Variants in RYR3 observed in about 807,000 individuals in gnomAD.
RYR3 encodes ryanodine receptor 3, also known as brain ryanodine receptor-calcium release channel.
Under a neutral mutation model 584.3 loss-of-function variants are expected in RYR3, and 207 were observed. The observed-to-expected ratio is 0.35, with a 90% CI of 0.32 to 0.40. The LOEUF is 0.40. RYR3 is among the 10% of genes least tolerant of loss of function. The probability of loss-of-function intolerance (pLI) is 1.00; values close to 1 mark genes in which losing one functional copy is unlikely to be tolerated. For missense variants in RYR3, 5,616 were observed against 6,089.2 expected, an observed-to-expected ratio of 0.92 and a Z score of 2.59; for synonymous variants, 2,416 against 2,248.5, an observed-to-expected ratio of 1.07 and a Z score of -2.11.
chr15:33,562,706 C>T, intron 10 of RYR3, 131 bp from the exon 11 acceptor site: 1 of 627,640 alleles, frequency 1.6e-6, no homozygotes, highest in South Asian at 2.0e-5. Context: ...CTGGCTTGGA[C>T]AGGCACATCA....
At chr15:33,467,608 T>C (rs1400507583) in intron 1 of RYR3, 1 of 317,978 alleles carries the variant, frequency 3.1e-6, no homozygotes, top group Non-Finnish European at 4.5e-6. Flanking sequence ...CCTGTGACAA[T>C]GTGAAATCTA....
intron 67 of RYR3, among the ~76,000 whole-genome samples, chr15:33,788,715 T>C (rs1473189327): frequency 6.6e-5 from 10 of 152,134 alleles, no homozygotes; most frequent in African/African-American, 2.4e-4. Flanking sequence ...TCAGAGGAAG[T>C]TGGTCAAATA....
At chr15:33,495,918 A>G (rs2051378265) in intron 2 of RYR3, among the ~76,000 whole-genome samples, 1 of 152,212 alleles carries the variant, frequency 6.6e-6, no homozygotes, top group Non-Finnish European at 1.5e-5. Flanking sequence ...ATTGATTGGA[A>G]GTCTGTAAGT....
At chr15:33,520,563 T>TA (rs35570809) in intron 3 of RYR3, among the ~76,000 whole-genome samples, 26,679 of 152,102 alleles carry the variant, frequency 0.18, 2,526 homozygotes, top group Non-Finnish European at 0.2. Flanking sequence ...ATCAGATTCT[T>TA]AATCTATTAG....
chr15:33,410,773 C>T (rs2043348354), intron 1 of RYR3, among the ~76,000 whole-genome samples: 1 of 152,200 alleles, frequency 6.6e-6, no homozygotes, highest in African/African-American at 2.4e-5. Flanking sequence ...TGTTCTCATG[C>T]TCCTAATAAA....
chr15:33,586,114 A>C lies in RYR3; in HGVS notation c.1786A>C (p.Lys596Gln), dbSNP rs1205273555. Residue 596 changes from lysine (K) to glutamine (Q), a missense_variant and splice_region_variant, in exon 16 of 104, where the codon AAG becomes CAG. Coordinates refer to ENST00000634891, the MANE Select transcript of RYR3 (RefSeq NM_001036.6). ...GTTGGATAAGCACGGGCGGAATCAC[A>C]AGGTAGGTGTGGAAAGAACGGTGAT... Reference protein sequence around the residue: ...SLLDKHGRNHKVLDILCSLCL... With the variant: ...SLLDKHGRNHQVLDILCSLCL... The C allele has an allele frequency of 6.3e-7, 1 of 1,581,128 alleles. No homozygotes were observed.
chr15:33,520,988 C>T (rs151027312), intron 3 of RYR3, among the ~76,000 whole-genome samples: 6 of 152,252 alleles, frequency 3.9e-5, no homozygotes, highest in African/African-American at 1.4e-4. Flanking sequence ...AAATCTACAT[C>T]GATTCTCATA....
intron 45 of RYR3, among the ~76,000 whole-genome samples, chr15:33,725,974 C>CTCCCG (rs2068391095): frequency 2.7e-5 from 1 of 37,622 alleles, no homozygotes; most frequent in Non-Finnish European, 5.7e-5. Flanking sequence ...CATCCCCCCC[C>CTCCCG]CCAAAAAAAA....
chr15:33,788,062 A>G (rs1010178388), intron 66 of RYR3, among the ~76,000 whole-genome samples, 156 bp from the exon 67 acceptor site: 23 of 152,162 alleles, frequency 1.5e-4, no homozygotes, highest in Admixed American at 7.9e-4. Flanking sequence ...TGACTCTATG[A>G]GAGGGAAGTA....
intron 81 of RYR3, among the ~76,000 whole-genome samples, chr15:33,823,302 C>G (rs1018591195): frequency 6.6e-6 from 1 of 152,178 alleles, no homozygotes; most frequent in African/African-American, 2.4e-5. Flanking sequence ...CACACGCTCC[C>G]CCACTGCTGT....
At chr15:33,635,361 G>A (rs2061447928) in intron 25 of RYR3, among the ~76,000 whole-genome samples, 1 of 152,188 alleles carries the variant, frequency 6.6e-6, no homozygotes, top group South Asian at 2.1e-4. Context: ...TACCTCATAG[G>A]ATTATTGTGA....
chr15:33,395,110 A>T (rs1370998981), intron 1 of RYR3, among the ~76,000 whole-genome samples: 1 of 152,194 alleles, frequency 6.6e-6, no homozygotes, highest in Middle Eastern at 3.2e-3. Flanking sequence ...AGGACTGTGA[A>T]CTTTAGAGGA....
In RYR3 at chr15:33,854,915, A is replaced by G. The variant is rs756810104; in HGVS notation, c.14007+3A>G. 1 of 1,608,830 alleles carries G rather than the reference A, an allele frequency of 6.2e-7. No homozygotes were observed. The highest frequency in any genetic ancestry group is 8.5e-7 in the Non-Finnish European group (1 of 1,177,826). ...CTGTAACTCACAATGGCAAACAGGT[A>G]TGGTTTCTACTGATGCAGAACAGAA... On this transcript the variant is annotated splice_donor_region_variant and intron_variant, in intron 98 of 103. Coordinates refer to ENST00000634891, the MANE Select transcript of RYR3 (RefSeq NM_001036.6).
At chr15:33,698,627 G>C (rs1879361) in intron 40 of RYR3, among the ~76,000 whole-genome samples, 80,851 of 150,916 alleles carry the variant, frequency 0.54, 23,430 homozygotes, top group East Asian at 0.72. Flanking sequence ...AGAGTGCCAG[G>C]GTCCTAGGAA....
chr15:33,537,054 C>A lies in RYR3; in HGVS notation c.434-2296C>A, dbSNP rs565785294. 2.5e-3 allele frequency among the ~76,000 whole-genome samples: 380 copies of A among 152,262 alleles called. 2 individuals are homozygous for A. The highest frequency in any genetic ancestry group is 8.6e-3 in the African/African-American group (356 of 41,552). ...AAATCAATATTAACTACTTTCACTG[C>A]TATAACTGTAACTTTTATTTGCAAA... On this transcript the variant is annotated intron_variant, in intron 5 of 103. Transcript: ENST00000634891.
intron 86 of RYR3, among the ~76,000 whole-genome samples, chr15:33,833,888 A>G (rs542378096): frequency 2.6e-5 from 4 of 152,304 alleles, no homozygotes; most frequent in Admixed American, 2.0e-4. Context: ...TCCTTTTAGA[A>G]CTTTCTTATT....
intron 8 of RYR3, among the ~76,000 whole-genome samples, chr15:33,545,726 G>A (rs947429157): frequency 2.0e-5 from 3 of 152,082 alleles, no homozygotes; most frequent in African/African-American, 7.2e-5. Context: ...GTCCAGCATG[G>A]CCAGGAGCAC....
intron 1 of RYR3, among the ~76,000 whole-genome samples, chr15:33,400,357 T>G (rs2042569568): frequency 6.6e-6 from 1 of 152,190 alleles, no homozygotes; most frequent in Admixed American, 6.5e-5. Flanking sequence ...CGAAAAGAGA[T>G]GGACTCCTTC....
At chr15:33,789,578 C>A (rs1324402707) in intron 67 of RYR3, among the ~76,000 whole-genome samples, 2 of 119,010 alleles carry the variant, frequency 1.7e-5, no homozygotes, top group Non-Finnish European at 3.3e-5. Context: ...TACTAAACAT[C>A]GCTGATTGCA....
Sources: gnomAD v4.1 joint callset for allele counts (sites outside exome capture counted in the v4.1 genomes callset) on GRCh38, gnomAD v4.1.1 for gene constraint, MANE v1.5 for transcripts, NCBI Gene and HGNC (gene_info 2026-07-23, HGNC 2026-07-21) for gene names.